Variants in LZTS1 observed in about 807,000 individuals in gnomAD.
LZTS1 encodes leucine zipper tumor suppressor 1.
A neutral mutation model predicts 45.8 loss-of-function variants in LZTS1; 31 were observed. The ratio of observed to expected loss-of-function variants is 0.68; its 90% CI spans 0.51 to 0.91. LZTS1 has a LOEUF of 0.91. Among genes scored for constraint, LZTS1 ranks in the 40% least tolerant of loss-of-function variants. The pLI is 0.00. For synonymous variants in LZTS1, 359 were observed against 357.3 expected, an observed-to-expected ratio of 1.00 and a Z score of -0.05; for missense variants, 821 against 788.9, an observed-to-expected ratio of 1.04 and a Z score of -0.49.
chr8:20,284,557 A>G (rs916246397), intron 1 of LZTS1, among the ~76,000 whole-genome samples: 1 of 152,184 alleles, frequency 6.6e-6, no homozygotes, highest in Admixed American at 6.5e-5. Context: ...GAGAGTATTA[A>G]GAACCAAAAG....
At chr8:20,281,297 C>T (rs764625223) in intron 1 of LZTS1, among the ~76,000 whole-genome samples, 1 of 151,878 alleles carries the variant, frequency 6.6e-6, no homozygotes, top group African/African-American at 2.4e-5. Context: ...CGGTGGCTCA[C>T]GCCTGTAATC....
At chr8:20,297,840 A>G (rs4401877) in intron 1 of LZTS1, among the ~76,000 whole-genome samples, 1 of 152,182 alleles carries the variant, frequency 6.6e-6, no homozygotes, top group Non-Finnish European at 1.5e-5. Context: ...TGCTTGAATT[A>G]CAATAAATAC....
In LZTS1 at chr8:20,252,730, A is replaced by G. The variant is rs2128891884; in HGVS notation, c.1149+52T>C. On this transcript the variant is annotated intron_variant, in intron 3 of 3. Coordinates refer to ENST00000381569, the MANE Select transcript of LZTS1 (RefSeq NM_021020.5). The stretch of plus-strand genomic sequence containing the variant: ...GCCGGCACCAGAAGGAGAGGGGGGT[A>G]CTGGCGCCAAACCGCTGACCACCCA... 3 of 1,425,938 alleles carry G rather than the reference A, an allele frequency of 2.1e-6. No individual in the cohort carries two copies. The South Asian group carries it at 4.7e-5, about 22-fold the overall frequency. 88.3% of individuals were successfully genotyped at this position (1,425,938 alleles called of 1,614,324 possible).
chr8:20,289,927 C>G (rs530017401), intron 1 of LZTS1: 2 of 152,250 alleles, frequency 1.3e-5, no homozygotes. Context: ...CCCACCACTG[C>G]GTAATTTCGA....
At chr8:20,298,268 G>T (rs1039222216) in intron 1 of LZTS1, among the ~76,000 whole-genome samples, 5 of 151,776 alleles carry the variant, frequency 3.3e-5, no homozygotes, top group African/African-American at 4.8e-5. Context: ...CATCATGGTG[G>T]CCAGGCTGGT....
At chr8:20,295,681 C>A (rs138886385) in intron 1 of LZTS1, among the ~76,000 whole-genome samples, 1 of 152,146 alleles carries the variant, frequency 6.6e-6, no homozygotes, top group Non-Finnish European at 1.5e-5. Context: ...ATGGGAGTGA[C>A]AAGTACGTTA....
chr8:20,269,489 A>G (rs1800431985), intron 1 of LZTS1, among the ~76,000 whole-genome samples: 1 of 152,220 alleles, frequency 6.6e-6, no homozygotes, highest in African/African-American at 2.4e-5. Flanking sequence ...AGGTGAATTT[A>G]AAGATCCCAG....
chr8:20,258,773 G>C (rs1800163703), intron 1 of LZTS1, among the ~76,000 whole-genome samples: 1 of 152,156 alleles, frequency 6.6e-6, no homozygotes, highest in Admixed American at 6.6e-5. Context: ...CTTATATTGT[G>C]ACCATTGTCC....
At chr8:20,303,246 A>G (rs964145841) in intron 1 of LZTS1, among the ~76,000 whole-genome samples, 2 of 151,988 alleles carry the variant, frequency 1.3e-5, no homozygotes, top group African/African-American at 4.8e-5. Flanking sequence ...TCTGGCTGCA[A>G]CGCACCGGTG....
Position 20,276,284 on chromosome 8 carries a change from A to G in LZTS1, c.-134-20969T>C, listed in dbSNP as rs1414434626. Among the ~76,000 whole-genome samples the G allele has an allele frequency of 2.7e-5, 4 of 150,318 alleles. No individual in the cohort carries two copies. In the East Asian group the frequency reaches 7.8e-4, roughly 29 times the overall value. ...TTGACTGATGGTTGGTAGCTTCAGA[A>G]TAGGGCAGGTCACCAGAAAGACCAA... On this transcript the variant is annotated intron_variant, in intron 1 of 3. Coordinates refer to ENST00000381569, the MANE Select transcript of LZTS1 (RefSeq NM_021020.5).
At chr8:20,268,144 T>C (rs1800397704) in intron 1 of LZTS1, among the ~76,000 whole-genome samples, 1 of 228 alleles carries the variant, frequency 4.4e-3, no homozygotes, top group Admixed American at 0.071. Context: ...GCAGGTCCTT[T>C]AGAAGGACTC....
chr8:20,279,144 A>T (rs1800638534), intron 1 of LZTS1, among the ~76,000 whole-genome samples: 1 of 152,230 alleles, frequency 6.6e-6, no homozygotes, highest in African/African-American at 2.4e-5. Flanking sequence ...CACTTCCTCC[A>T]GGAAGCCATC....
intron 2 of LZTS1, among the ~76,000 whole-genome samples, chr8:20,253,872 G>T (rs1800019327): frequency 6.6e-6 from 1 of 152,124 alleles, no homozygotes. Flanking sequence ...ATACCATCTT[G>T]AGGCTCCTGC....
chr8:20,303,534 A>G (rs1372155764), intron 1 of LZTS1, among the ~76,000 whole-genome samples: 1 of 150,816 alleles, frequency 6.6e-6, no homozygotes, highest in African/African-American at 2.4e-5. Context: ...GCCGGGCCGG[A>G]GAAGCGGCGC....
rs761733384 is a variant in LZTS1 at position 20,253,556 on chromosome 8, T to G, written c.375A>C (p.Thr125=). The change falls in exon 3 of 4, where the codon ACA becomes ACC. Residue 125 remains threonine, a synonymous_variant. Coordinates refer to ENST00000381569, the MANE Select transcript of LZTS1 (RefSeq NM_021020.5). ...ACCGTGGCAGCACAGGCTTGAAGGC[T>G]GTGGGCCTCACTGCACCCTTCTCGG... ...MGSEKGAVRP[T]AFKPVLPRSG... is the part of the protein sequence containing the mutation. The G allele has an allele frequency of 7.1e-5, 105 of 1,488,128 alleles. No individual in the cohort carries two copies. The highest frequency in any genetic ancestry group is 9.1e-5 in the Non-Finnish European group (102 of 1,120,490). 92.2% of individuals were successfully genotyped at this position (1,488,128 alleles called of 1,614,324 possible).
chr8:20,259,714 C>T (rs539945728), intron 1 of LZTS1, among the ~76,000 whole-genome samples: 7 of 152,224 alleles, frequency 4.6e-5, no homozygotes, highest in East Asian at 1.9e-4. Context: ...AATTCTCCTC[C>T]TTGGGCTCTT....
At chr8:20,302,653 G>A (rs1801101139) in intron 1 of LZTS1, among the ~76,000 whole-genome samples, 1 of 152,182 alleles carries the variant, frequency 6.6e-6, no homozygotes, top group Non-Finnish European at 1.5e-5. Context: ...GCATGGTCCA[G>A]AACTCAGTGC....
chr8:20,287,954 C>T (rs1242620385), intron 1 of LZTS1, among the ~76,000 whole-genome samples: 1 of 151,526 alleles, frequency 6.6e-6, no homozygotes, highest in African/African-American at 2.4e-5. Context: ...CCTAGCCCAG[C>T]CCACCTGCAG....
intron 1 of LZTS1, among the ~76,000 whole-genome samples, chr8:20,295,564 A>G (rs1411000797): frequency 6.6e-6 from 1 of 152,196 alleles, no homozygotes; most frequent in African/African-American, 2.4e-5. Context: ...CTGGTGCTAT[A>G]TATCAGATGC....
Sources: allele counts gnomAD v4.1 joint callset (sites outside exome capture counted in the v4.1 genomes callset), GRCh38; gene constraint gnomAD v4.1.1; transcripts MANE v1.5; gene names NCBI Gene and HGNC (gene_info 2026-07-23, HGNC 2026-07-21).